The following NEDD1 variants were observed in gnomAD, a reference collection of about 807,000 sequenced individuals.
The protein encoded by NEDD1 is protein NEDD1.
Under a neutral mutation model 74.0 loss-of-function variants are expected in NEDD1, and 33 were observed. The ratio of observed to expected loss-of-function variants is 0.45; its 90% CI spans 0.34 to 0.60. The LOEUF (loss-of-function observed/expected upper bound fraction) is 0.60, where lower values mean the gene tolerates loss of function less well. Ranked by LOEUF, NEDD1 falls within the 20% of genes least tolerant of loss-of-function variation. NEDD1 has a pLI of 0.01. For missense variants in NEDD1, 746 were observed against 776.5 expected, an observed-to-expected ratio of 0.96 and a Z score of 0.47; for synonymous variants, 250 against 264.4, an observed-to-expected ratio of 0.95 and a Z score of 0.53.
Position 96,913,016 on chromosome 12 carries a change from A to T in NEDD1, c.231+199A>T, listed in dbSNP as rs111871143. On this transcript the variant is annotated intron_variant, in intron 4 of 15. Coordinates refer to ENST00000266742, the MANE Select transcript of NEDD1 (RefSeq NM_152905.4). ...ATTTTTAGGTAAAATAGTTTTGAAT[A>T]TAGGGGAACAATTGAAGACTTGAAT... Among the ~76,000 whole-genome samples the T allele has an allele frequency of 6.8e-4, 104 of 152,326 alleles. 1 individual carries two copies. Among genetic ancestry groups the T allele is most frequent in the African/African-American group, 2.4e-3 (98 of 41,564 alleles).
intron 14 of NEDD1, among the ~76,000 whole-genome samples, chr12:96,946,354 T>TTCTA (rs1262606319): frequency 6.6e-6 from 1 of 152,198 alleles, no homozygotes; most frequent in South Asian, 2.1e-4. Context: ...TAAGAATGTG[T>TTCTA]TCTACAATGC....
chr12:96,907,987 A>G, intron 2 of NEDD1, 131 bp downstream of exon 2: 3 of 631,840 alleles, frequency 4.7e-6, no homozygotes, highest in Non-Finnish European at 6.6e-6. Flanking sequence ...CCCAGGCCTC[A>G]GTGATCTACC....
chr12:96,926,373 T>A (rs1341071654), intron 6 of NEDD1, among the ~76,000 whole-genome samples: 1 of 152,206 alleles, frequency 6.6e-6, no homozygotes, highest in African/African-American at 2.4e-5. Context: ...TGTACCATTT[T>A]ATTTCATTTT....
At chr12:96,942,047 A>G (rs1877711353) in intron 10 of NEDD1, among the ~76,000 whole-genome samples, 1 of 152,168 alleles carries the variant, frequency 6.6e-6, no homozygotes, top group Non-Finnish European at 1.5e-5. Context: ...TGGACTGGCA[A>G]ATGAATATTA....
At chr12:96,928,376 A>G (rs1201344538) in intron 6 of NEDD1, among the ~76,000 whole-genome samples, 2 of 152,094 alleles carry the variant, frequency 1.3e-5, no homozygotes, top group East Asian at 1.9e-4. Context: ...GCACATGTTA[A>G]TATTGTTTTC....
intron 1 of NEDD1, 90 bp from the exon 2 acceptor site, chr12:96,907,514 C>T (rs1180436508): frequency 1.8e-6 from 2 of 1,095,114 alleles, no homozygotes; most frequent in African/African-American, 3.1e-5. Context: ...CTCCCGGAGC[C>T]TTGTGGGGTG....
rs1317664451 is a variant in NEDD1, at chr12:96,935,841, A to G, written c.719+636A>G. On this transcript the variant is annotated intron_variant, in intron 7 of 15. Transcript: ENST00000266742. Reference sequence around the variant, plus strand: ...TTAGCTAAAAAACAAAAACAAAAACAAAAGAATGCAAGAGTGATACAGTTG... The same window carrying G: ...TTAGCTAAAAAACAAAAACAAAAACGAAAGAATGCAAGAGTGATACAGTTG... Among the ~76,000 whole-genome samples, 3 of 152,312 alleles carry G rather than the reference A, an allele frequency of 2.0e-5. No homozygotes were observed. In the East Asian group the frequency reaches 5.8e-4, roughly 29 times the overall value.
In NEDD1 at chr12:96,951,450, C is replaced by T. The variant is rs1416870670; in HGVS notation, c.1830C>T (p.Asp610=). The T allele has an allele frequency of 2.5e-6, 4 of 1,570,968 alleles. No individual in the cohort carries two copies. Among genetic ancestry groups the T allele is most frequent in the Non-Finnish European group, 2.6e-6 (3 of 1,145,578 alleles). Residue 610 remains aspartate (D), a synonymous_variant, in exon 15 of 16, where the codon GAC becomes GAT. Coordinates refer to ENST00000266742, the MANE Select transcript of NEDD1 (RefSeq NM_152905.4). ...LDDFREACHR[D]IVNLQVEMIK... Reference sequence around the variant, plus strand: ...TTCCTAGAGAAGCATGCCATAGGGACATTGTGAATTTGCAAGTGGAGATGA... The same window carrying T: ...TTCCTAGAGAAGCATGCCATAGGGATATTGTGAATTTGCAAGTGGAGATGA...
At chr12:96,929,863 A>C (rs1017209420) in intron 6 of NEDD1, among the ~76,000 whole-genome samples, 1 of 152,036 alleles carries the variant, frequency 6.6e-6, no homozygotes, top group Non-Finnish European at 1.5e-5. Context: ...CCTGTTAATG[A>C]AGTGGATATT....
chr12:96,937,464 A>G, intron 9 of NEDD1, 71 bp downstream of exon 9: 1 of 783,522 alleles, frequency 1.3e-6, no homozygotes, highest in Non-Finnish European at 2.0e-6. Flanking sequence ...TGGCTTGCAT[A>G]TAATTAGCAC....
chr12:96,953,766 A>C lies in NEDD1; in HGVS notation c.*1713A>C, dbSNP rs1233918584. On this transcript the variant is annotated 3_prime_UTR_variant, in exon 16 of 16. Transcript: ENST00000266742. Reference sequence around the variant, plus strand: ...TTACCTTCCCACCTGAAATTAAAAAAGAAAATATGTGAAACAGTTGTCAGA... The same window carrying C: ...TTACCTTCCCACCTGAAATTAAAAACGAAAATATGTGAAACAGTTGTCAGA... 6.6e-6 allele frequency: 1 copy of C among 151,952 alleles called. No individual in the cohort carries two copies. Among genetic ancestry groups the C allele is most frequent in the Non-Finnish European group, 1.5e-5 (1 of 67,850 alleles). The allele number at this position is 151,952 out of a possible 1,614,324, so 9.4% of individuals were successfully genotyped here.
rs375614936 is a variant in NEDD1 at position 96,936,569 on chromosome 12, C to G, written c.720-42C>G. The stretch of plus-strand genomic sequence containing the variant: ...ACTTATATAAGCTAATATACCTGTA[C>G]ACACTAACATTTCTACACATACTTT... On this transcript the variant is annotated intron_variant, in intron 7 of 15. Coordinates refer to ENST00000266742, the MANE Select transcript of NEDD1 (RefSeq NM_152905.4). 8 of 1,376,920 alleles carry G rather than the reference C, an allele frequency of 5.8e-6. No homozygotes were observed. The African/African-American group carries it at 1.0e-4, about 17-fold the overall frequency. 85.3% of individuals were successfully genotyped at this position (1,376,920 alleles called of 1,614,324 possible). A position where few individuals can be genotyped will look rare whatever the true frequency, so the allele number is the denominator to read the frequency against.
chr12:96,914,140 G>A (rs1036700579), intron 4 of NEDD1, among the ~76,000 whole-genome samples: 48 of 152,164 alleles, frequency 3.2e-4, no homozygotes, highest in African/African-American at 1.1e-3. Flanking sequence ...GGTCGATAAA[G>A]GCAGACTGAA....
chr12:96,935,806 G>A (rs1877024929), intron 7 of NEDD1, among the ~76,000 whole-genome samples: 1 of 151,872 alleles, frequency 6.6e-6, no homozygotes, highest in African/African-American at 2.4e-5. Context: ...TTAAATTTAG[G>A]TATGCTTAGT....
At chr12:96,937,015 T>G (rs927890054) in intron 8 of NEDD1, among the ~76,000 whole-genome samples, 183 bp from the exon 9 acceptor site, 4 of 151,970 alleles carry the variant, frequency 2.6e-5, no homozygotes, top group East Asian at 3.8e-4. Context: ...TCCTTATATA[T>G]CTCTCTTTTT....
rs1206640726 is a variant in NEDD1, at chr12:96,907,754, C to T, written c.-111C>T. 6.5e-7 allele frequency: 1 copy of T among 1,537,722 alleles called. No individual in the cohort carries two copies. The highest frequency in any genetic ancestry group is 8.8e-7 in the Non-Finnish European group (1 of 1,139,932). ...GTAGCCGCTGTCCCTAAACCCAGGC[C>T]GACGTTACCGCCTTGTGTCCTGACT... On this transcript the variant is annotated 5_prime_UTR_variant, in exon 2 of 16. Transcript: ENST00000266742.
chr12:96,941,766 T>C (rs1231536365), intron 10 of NEDD1, among the ~76,000 whole-genome samples: 1 of 152,178 alleles, frequency 6.6e-6, no homozygotes, highest in Non-Finnish European at 1.5e-5. Context: ...TTAATTACTT[T>C]TGCTATGTTT....
chr12:96,944,486 C>T (rs1456508707), intron 12 of NEDD1, among the ~76,000 whole-genome samples, 153 bp from the exon 13 acceptor site: 1 of 149,940 alleles, frequency 6.7e-6, no homozygotes, highest in Admixed American at 6.7e-5. Flanking sequence ...CTCCAGTTCT[C>T]TTTTTCTTTT....
intron 3 of NEDD1, among the ~76,000 whole-genome samples, chr12:96,912,236 C>A (rs1162326821): frequency 6.6e-6 from 1 of 150,656 alleles, no homozygotes; most frequent in Non-Finnish European, 1.5e-5. Context: ...CACAAAAATT[C>A]ATGTTCTGGG....
Sources: gnomAD v4.1 joint callset for allele counts (sites outside exome capture counted in the v4.1 genomes callset) on GRCh38, gnomAD v4.1.1 for gene constraint, MANE v1.5 for transcripts, NCBI Gene and HGNC (gene_info 2026-07-23, HGNC 2026-07-21) for gene names.